The following HNRNPL variants were observed in gnomAD, a reference collection of about 807,000 sequenced individuals.
The protein encoded by HNRNPL is epididymis secretory sperm binding protein.
In HNRNPL, 12 loss-of-function variants were observed where a neutral mutation model predicts 64.0. The ratio of observed to expected loss-of-function variants is 0.19; its 90% CI spans 0.12 to 0.30. The LOEUF (loss-of-function observed/expected upper bound fraction) is 0.30. Among genes scored for constraint, HNRNPL ranks in the 10% least tolerant of loss-of-function variants. HNRNPL has a pLI of 1.00. For missense variants in HNRNPL, 484 were observed against 797.4 expected (o/e 0.61, Z 4.73); for synonymous variants, 385 against 313.0 (o/e 1.23, Z -2.43).
intron 12 of HNRNPL, 77 bp from the exon 13 acceptor site, chr19:38,836,857 C>A: frequency 9.3e-7 from 1 of 1,080,204 alleles, no homozygotes; most frequent in Non-Finnish European, 1.4e-6. Flanking sequence ...AGTTTGTACC[C>A]ATCTCCCATT....
intron 12 of HNRNPL, chr19:38,836,984 ATCCCAT>A (rs1971950111): frequency 3.6e-6 from 2 of 557,644 alleles, no homozygotes; most frequent in Non-Finnish European, 6.4e-6. Context: ...CCCATAGAGA[ATCCCAT>A]TCCTATCTCC....
In HNRNPL at chr19:38,836,697, G is replaced by T. The variant is rs1052831; in HGVS notation, c.*25C>A. On this transcript the variant is annotated 3_prime_UTR_variant, in exon 13 of 13. Coordinates refer to ENST00000221419, the MANE Select transcript of HNRNPL (RefSeq NM_001533.3). The stretch of plus-strand genomic sequence containing the variant: ...GGAAAGAGAAATGTCTTCCTGCTCA[G>T]ATGGGACTCTTCCTAGGCACCTAAT... 1.9e-6 allele frequency: 3 copies of T among 1,545,844 alleles called. No individual in the cohort carries two copies. Among genetic ancestry groups the T allele is most frequent in the African/African-American group, 2.8e-5 (2 of 72,400 alleles).
Position 38,840,476 on chromosome 19 carries a change from C to T in HNRNPL, c.952+12G>A, listed in dbSNP as rs760573689. On this transcript the variant is annotated intron_variant, in intron 7 of 12. Transcript: ENST00000221419. ...CCACGGGAGTCCACGGAGGGGAACC[C>T]CCTGCCCTCACCATATTCTGCGGGG... 10 of 1,587,902 alleles carry T rather than the reference C, an allele frequency of 6.3e-6. No homozygotes were observed. Among genetic ancestry groups the T allele is most frequent in the Non-Finnish European group, 7.7e-6 (9 of 1,168,644 alleles).
chr19:38,845,399 G>A (rs991078569), intron 4 of HNRNPL: 46 of 484,916 alleles, frequency 9.5e-5, no homozygotes, highest in Non-Finnish European at 7.4e-5. Context: ...ATAACAGAAA[G>A]AAAACAAAAA....
intron 12 of HNRNPL, 146 bp from the exon 13 acceptor site, chr19:38,836,926 G>A (rs965000128): frequency 3.3e-6 from 2 of 607,402 alleles, no homozygotes; most frequent in Non-Finnish European, 3.0e-6. Context: ...GCTTCAAGAT[G>A]AGCCAATTAC....
At chr19:38,847,471 C>G in intron 1 of HNRNPL, 37 bp from the exon 2 acceptor site, 1 of 1,334,978 alleles carries the variant, frequency 7.5e-7, no homozygotes, top group South Asian at 1.5e-5. Context: ...TATTTTCTTG[C>G]TGTACAAGAT....
intron 6 of HNRNPL, chr19:38,841,502 C>A (rs1279107544): frequency 2.0e-6 from 1 of 496,120 alleles, no homozygotes; most frequent in African/African-American, 2.0e-5. Flanking sequence ...TCCTGCCACC[C>A]GGCCTGGGTT....
Position 38,837,373 on chromosome 19 carries a change from C to CAGAT in HNRNPL, c.1711+7_1711+10dup, listed in dbSNP as rs1971964094. 1.2e-6 allele frequency: 2 copies of CAGAT among 1,608,300 alleles called. No homozygotes were observed. The highest frequency in any genetic ancestry group is 2.2e-5 in the South Asian group (2 of 90,960). On this transcript the variant is annotated intron_variant, in intron 12 of 12. Coordinates refer to ENST00000221419, the MANE Select transcript of HNRNPL (RefSeq NM_001533.3). The stretch of plus-strand genomic sequence containing the variant: ...ACCAGGTTGATGCCTGCAGGACACA[C>CAGAT]AGATACTCACTTGGGTTTTTCATCT...
upstream of HNRNPL, among the ~76,000 whole-genome samples, chr19:38,850,517 G>T (rs1215077923): frequency 6.6e-6 from 1 of 152,200 alleles, no homozygotes; most frequent in African/African-American, 2.4e-5. Context: ...TAGGACTGTT[G>T]ATACGCTCTG....
At position 38,838,615 on chromosome 19, in the gene HNRNPL, A is replaced by C. The variant is rs756911110; in HGVS notation, c.1356-17T>G. On this transcript the variant is annotated splice_polypyrimidine_tract_variant and intron_variant, in intron 9 of 12. Coordinates refer to ENST00000221419, the MANE Select transcript of HNRNPL (RefSeq NM_001533.3). ...TTGGAGACACTGCAGCAAGGAAGAAAGGGGAGCCTTTGTCATACCCAAAGT... is the reference window on the plus strand; with the variant it reads ...TTGGAGACACTGCAGCAAGGAAGAACGGGGAGCCTTTGTCATACCCAAAGT... 3.1e-6 allele frequency: 5 copies of C among 1,610,750 alleles called. No individual in the cohort carries two copies. The Admixed American group carries it at 8.4e-5, about 27-fold the overall frequency.
rs184368612 is a variant in HNRNPL, at chr19:38,847,565, C to T, written c.268-131G>A. On this transcript the variant is annotated intron_variant, in intron 1 of 12. Transcript: ENST00000221419. ...ATCCGTGAAGGATGCACAGGAAAGA[C>T]TAGGGGCAGCAATTGAAGCCAATCA... 1.6e-3 allele frequency: 735 copies of T among 471,654 alleles called. 3 individuals are homozygous for T. The highest frequency in any genetic ancestry group is 2.0e-3 in the Admixed American group (49 of 24,558). The allele number at this position is 471,654 out of a possible 1,614,324, so 29.2% of individuals were successfully genotyped here.
intron 2 of HNRNPL, among the ~76,000 whole-genome samples, chr19:38,846,788 G>C (rs1568374056): frequency 2.6e-5 from 4 of 152,100 alleles, no homozygotes; most frequent in Admixed American, 1.3e-4. Flanking sequence ...AGCGCCTGTG[G>C]TCCCAGCTAC....
chr19:38,837,268 C>G, intron 12 of HNRNPL, 116 bp downstream of exon 12: 1 of 784,668 alleles, frequency 1.3e-6, no homozygotes, highest in Non-Finnish European at 2.2e-6. Context: ...CCTGTGTCAC[C>G]AACAGTGCGA....
At chr19:38,850,250 C>A, upstream of HNRNPL, 1 of 365,636 alleles carries the variant, frequency 2.7e-6, no homozygotes, top group Non-Finnish European at 4.9e-6. Flanking sequence ...TCTGGCGCTG[C>A]TGGCCTCCCT....
Position 38,845,311 on chromosome 19 carries a change from C to G in HNRNPL, c.710+339G>C, listed in dbSNP as rs181019385. ...GCTTGAACCCAGGAGGCAGAGGTTGCAGTGAGCTGAGATCGCACCACTGCA... is the reference window on the plus strand; with the variant it reads ...GCTTGAACCCAGGAGGCAGAGGTTGGAGTGAGCTGAGATCGCACCACTGCA... On this transcript the variant is annotated intron_variant, in intron 4 of 12. Transcript: ENST00000221419. 28 of 210,032 alleles carry G rather than the reference C, an allele frequency of 1.3e-4. No individual in the cohort carries two copies. In the East Asian group the frequency reaches 2.6e-3, roughly 19 times the overall value. 13.0% of individuals were successfully genotyped at this position (210,032 alleles called of 1,614,324 possible).
Position 38,840,093 on chromosome 19 carries a change from C to T in HNRNPL, c.1233+3G>A. 6.2e-7 allele frequency: 1 copy of T among 1,613,224 alleles called. No individual in the cohort carries two copies. Among genetic ancestry groups the T allele is most frequent in the Non-Finnish European group, 8.5e-7 (1 of 1,179,924 alleles). ...GAACCCAGGGGGCCCGGCAGCAGCT[C>T]ACCTTCTCCACATTGCCATATAAGC... On this transcript the variant is annotated splice_donor_region_variant and intron_variant, in intron 8 of 12. Transcript: ENST00000221419.
rs1454024188 is a variant in HNRNPL at position 38,849,955 on chromosome 19, C to T, written c.12G>A (p.Arg4=). 41 of 1,347,072 alleles carry T rather than the reference C, an allele frequency of 3.0e-5. No individual in the cohort carries two copies. Among genetic ancestry groups the T allele is most frequent in the Non-Finnish European group, 3.9e-5 (41 of 1,042,070 alleles). 83.4% of individuals were successfully genotyped at this position (1,347,072 alleles called of 1,614,324 possible). MSR[R]LLPRAEKRRR... ...GCCGCTTCTCCGCCCGGGGCAGCAG[C>T]CTCCGCGACATGGCGGCGCAGAACC... Residue 4 remains arginine, a synonymous_variant, in exon 1 of 13, where the codon AGG becomes AGA. Coordinates refer to ENST00000221419, the MANE Select transcript of HNRNPL (RefSeq NM_001533.3).
chr19:38,848,375 G>C (rs1400453357), intron 1 of HNRNPL, among the ~76,000 whole-genome samples: 1 of 152,218 alleles, frequency 6.6e-6, no homozygotes, highest in East Asian at 1.9e-4. Flanking sequence ...TTATAGGCAT[G>C]AGCCCCCACT....
chr19:38,842,471 C>T (rs1049425282), intron 6 of HNRNPL: 1 of 152,282 alleles, frequency 6.6e-6, no homozygotes, highest in Non-Finnish European at 1.5e-5. Flanking sequence ...CATGTTGCGT[C>T]TCTTTCTCTC....
Sources: gnomAD v4.1 joint callset for allele counts (sites outside exome capture counted in the v4.1 genomes callset) on GRCh38, gnomAD v4.1.1 for gene constraint, MANE v1.5 for transcripts, NCBI Gene and HGNC (gene_info 2026-07-23, HGNC 2026-07-21) for gene names.